The following NKAIN2 variants were observed in gnomAD, a reference collection of about 807,000 sequenced individuals.
NKAIN2 encodes sodium/potassium-transporting ATPase subunit beta-1-interacting protein 2.
Under a neutral mutation model 32.6 loss-of-function variants are expected in NKAIN2, and 14 were observed. The ratio of observed to expected loss-of-function variants is 0.43; its 90% CI spans 0.28 to 0.67. The LOEUF (loss-of-function observed/expected upper bound fraction) is 0.67. Among genes scored for constraint, NKAIN2 ranks in the 30% least tolerant of loss-of-function variants. NKAIN2 has a pLI of 0.17. For missense variants in NKAIN2, 198 were observed against 258.3 expected (o/e 0.77, Z 1.60); for synonymous variants, 80 against 87.2 (o/e 0.92, Z 0.46).
At chr6:123,984,109 G>A (rs1483406677) in intron 1 of NKAIN2, among the ~76,000 whole-genome samples, 1 of 152,068 alleles carries the variant, frequency 6.6e-6, no homozygotes, top group African/African-American at 2.4e-5. Flanking sequence ...GTTTCACCAT[G>A]TTGGTCAGTC....
At chr6:124,404,054 G>A (rs1334013431) in intron 3 of NKAIN2, among the ~76,000 whole-genome samples, 4 of 151,838 alleles carry the variant, frequency 2.6e-5, no homozygotes, top group Non-Finnish European at 5.9e-5. Context: ...TTTTATAACT[G>A]GTTATATTTT....
At position 124,825,434 on chromosome 6, in the gene NKAIN2, A is replaced by G. The variant is rs1252020411; in HGVS notation, c.*2205A>G. 1 of 152,624 alleles carries G rather than the reference A, an allele frequency of 6.6e-6. No homozygotes were observed. Among genetic ancestry groups the G allele is most frequent in the Non-Finnish European group, 1.5e-5 (1 of 68,028 alleles). 9.5% of individuals were successfully genotyped at this position (152,624 alleles called of 1,614,324 possible). On this transcript the variant is annotated 3_prime_UTR_variant, in exon 7 of 7. Transcript: ENST00000368417. ...TCTGGGAAAACATCTACAGTTGTACAGCTGTATCCTCCTCAAAATCCGGTG... is the reference window on the plus strand; with the variant it reads ...TCTGGGAAAACATCTACAGTTGTACGGCTGTATCCTCCTCAAAATCCGGTG...
At chr6:124,428,521 T>C (rs1296404919) in intron 3 of NKAIN2, among the ~76,000 whole-genome samples, 1 of 152,192 alleles carries the variant, frequency 6.6e-6, no homozygotes, top group African/African-American at 2.4e-5. Context: ...ATAAATAAGT[T>C]AGAAGTTGAT....
chr6:123,866,263 C>T (rs1222368572), intron 1 of NKAIN2, among the ~76,000 whole-genome samples: 1 of 152,122 alleles, frequency 6.6e-6, no homozygotes, highest in Non-Finnish European at 1.5e-5. Context: ...GACTATTACA[C>T]TGCCTGTCTC....
chr6:124,398,518 A>G (rs1175237712), intron 3 of NKAIN2, among the ~76,000 whole-genome samples: 1 of 152,118 alleles, frequency 6.6e-6, no homozygotes, highest in Non-Finnish European at 1.5e-5. Flanking sequence ...TGGAGATCCA[A>G]ATTGCAAGCT....
intron 3 of NKAIN2, among the ~76,000 whole-genome samples, chr6:124,412,717 T>A (rs1250291548): frequency 6.6e-6 from 1 of 152,180 alleles, no homozygotes; most frequent in Non-Finnish European, 1.5e-5. Flanking sequence ...ACAGGGACAT[T>A]TAAGTCTGCA....
chr6:123,844,787 C>T (rs1025224682), intron 1 of NKAIN2, among the ~76,000 whole-genome samples: 1 of 152,184 alleles, frequency 6.6e-6, no homozygotes, highest in African/African-American at 2.4e-5. Flanking sequence ...ATTTTATGTT[C>T]CTTCTACATC....
intron 1 of NKAIN2, among the ~76,000 whole-genome samples, chr6:123,967,402 C>T (rs1778133353): frequency 6.6e-6 from 1 of 152,198 alleles, no homozygotes; most frequent in African/African-American, 2.4e-5. Context: ...GGGAAGCCAG[C>T]TAATAATGTG....
chr6:124,282,985 A>G lies in NKAIN2; in HGVS notation c.55-20A>G. Reference sequence around the variant, plus strand: ...CTGTTTCTCACATGCTGATCTGTCCATCCTGTTTTGCTATTCTAGGTTTGT... The same window carrying G: ...CTGTTTCTCACATGCTGATCTGTCCGTCCTGTTTTGCTATTCTAGGTTTGT... On this transcript the variant is annotated intron_variant, in intron 1 of 6. Coordinates refer to ENST00000368417, the MANE Select transcript of NKAIN2 (RefSeq NM_001040214.3). 1.2e-6 allele frequency: 2 copies of G among 1,612,686 alleles called. No individual in the cohort carries two copies. The highest frequency in any genetic ancestry group is 2.2e-5 in the East Asian group (1 of 44,824).
intron 1 of NKAIN2, among the ~76,000 whole-genome samples, chr6:124,191,143 C>A (rs1790001756): frequency 6.6e-6 from 1 of 152,104 alleles, no homozygotes; most frequent in Non-Finnish European, 1.5e-5. Context: ...TTATACTGCC[C>A]TGAGTGAATC....
intron 1 of NKAIN2, among the ~76,000 whole-genome samples, chr6:124,139,131 G>T (rs1352562154): frequency 8.3e-6 from 1 of 121,016 alleles, no homozygotes; most frequent in African/African-American, 3.2e-5. Context: ...GCCCAGGCCG[G>T]ACTGCGGACT....
intron 3 of NKAIN2, among the ~76,000 whole-genome samples, chr6:124,516,667 A>G (rs752882497): frequency 1.3e-5 from 2 of 152,274 alleles, no homozygotes; most frequent in African/African-American, 4.8e-5. Flanking sequence ...ATATGTCTGC[A>G]TGTGTATTTT....
At chr6:124,190,047 A>T (rs1403258463) in intron 1 of NKAIN2, among the ~76,000 whole-genome samples, 1 of 152,224 alleles carries the variant, frequency 6.6e-6, no homozygotes, top group South Asian at 2.1e-4. Flanking sequence ...TTCCAAAACT[A>T]CCTGCACATG....
chr6:123,808,939 A>G (rs1773337769), intron 1 of NKAIN2, among the ~76,000 whole-genome samples: 1 of 152,186 alleles, frequency 6.6e-6, no homozygotes, highest in Non-Finnish European at 1.5e-5. Context: ...TGAGAGACAG[A>G]AACATATTTT....
At chr6:124,679,318 G>A (rs929696606) in intron 4 of NKAIN2, among the ~76,000 whole-genome samples, 4 of 151,940 alleles carry the variant, frequency 2.6e-5, no homozygotes, top group Non-Finnish European at 5.9e-5. Context: ...TTTCAGTGAC[G>A]CTCAAATTGG....
intron 2 of NKAIN2, among the ~76,000 whole-genome samples, chr6:124,325,775 T>C (rs9491126): frequency 0.12 from 18,700 of 152,132 alleles, 1,561 homozygotes; most frequent in East Asian, 0.26. Flanking sequence ...TGTCCTAATG[T>C]GGGTGCTGAT....
Position 124,355,338 on chromosome 6 carries a change from C to A in NKAIN2, c.264C>A (p.Asp88Glu), listed in dbSNP as rs1377707639. The change falls in exon 3 of 7, where the codon GAC (aspartate) becomes GAA (glutamate). Residue 88 changes from aspartate to glutamate, a missense_variant. Coordinates refer to ENST00000368417, the MANE Select transcript of NKAIN2 (RefSeq NM_001040214.3). ...TCTGCTTCTATTTGGAGGCTGGGGA[C>A]CTCTCAAAGGTAATTTACATCTAAT... is the stretch of plus-strand genomic sequence containing the variant. ...FVICFYLEAGDLSKETDLILT... is the reference protein window; with the variant it reads ...FVICFYLEAGELSKETDLILT... 1.9e-6 allele frequency: 3 copies of A among 1,598,692 alleles called. No individual in the cohort carries two copies. The highest frequency in any genetic ancestry group is 1.3e-5 in the African/African-American group (1 of 74,682).
chr6:123,951,716 T>C (rs1777335941), intron 1 of NKAIN2, among the ~76,000 whole-genome samples: 1 of 151,914 alleles, frequency 6.6e-6, no homozygotes, highest in African/African-American at 2.4e-5. Flanking sequence ...TTTTTTAGTC[T>C]ATTCAGCCAA....
At chr6:124,416,362 G>A (rs1774487886) in intron 3 of NKAIN2, among the ~76,000 whole-genome samples, 1 of 152,184 alleles carries the variant, frequency 6.6e-6, no homozygotes, top group South Asian at 2.1e-4. Context: ...AGTGGTATCA[G>A]GCCAGCTATG....
Sources: allele counts gnomAD v4.1 joint callset (sites outside exome capture counted in the v4.1 genomes callset), GRCh38; gene constraint gnomAD v4.1.1; transcripts MANE v1.5; gene names NCBI Gene and HGNC (gene_info 2026-07-23, HGNC 2026-07-21).